Variants in LRRK2 observed in about 807,000 individuals in gnomAD.
LRRK2 encodes leucine rich repeat kinase 2.
Under a neutral mutation model 302.6 loss-of-function variants are expected in LRRK2, and 203 were observed. That is an observed-to-expected ratio of 0.67 (90% confidence interval 0.60 to 0.75). The LOEUF (loss-of-function observed/expected upper bound fraction) is 0.75. Among genes scored for constraint, LRRK2 ranks in the 30% least tolerant of loss-of-function variants. The pLI is 0.00. For synonymous variants in LRRK2, 1,066 were observed against 1,031.9 expected (o/e 1.03, Z -0.63); for missense variants, 2,830 against 2,951.0 (o/e 0.96, Z 0.95).
At chr12:40,351,232 T>TTGCA (rs1946342699) in intron 43 of LRRK2, among the ~76,000 whole-genome samples, 2 of 152,166 alleles carry the variant, frequency 1.3e-5, no homozygotes, top group African/African-American at 4.8e-5. Flanking sequence ...CAATATAGAA[T>TTGCA]TGCATGCAGA....
At chr12:40,364,763 T>C in intron 48 of LRRK2, 79 bp from the exon 49 acceptor site, 2 of 1,118,858 alleles carry the variant, frequency 1.8e-6, no homozygotes, top group Non-Finnish European at 1.3e-6. Context: ...ATTTAAAATG[T>C]TGTTTATGTT....
At chr12:40,260,648 G>A (rs1205960520) in intron 13 of LRRK2, among the ~76,000 whole-genome samples, 7 of 152,068 alleles carry the variant, frequency 4.6e-5, no homozygotes, top group Admixed American at 4.6e-4. Context: ...GTGTCACACC[G>A]AAATTTGCAA....
In LRRK2 at chr12:40,323,174, A is replaced by G; in HGVS notation, c.5524A>G (p.Asn1842Asp). The G allele has an allele frequency of 6.2e-7, 1 of 1,613,140 alleles. No individual in the cohort carries two copies. The highest frequency in any genetic ancestry group is 8.5e-7 in the Non-Finnish European group (1 of 1,179,282). Residue 1842 changes from asparagine (N) to aspartate (D), a missense_variant, in exon 38 of 51, where the codon AAT (asparagine) becomes GAT (aspartate). Around this residue, in one of 3 missense-constraint regions of LRRK2, gnomAD observed 2,121 missense variants for 2,148.0 expected, o/e 0.99. Transcript: ENST00000298910. ...KKAEEGDLLV[N>D]PDQPRLTIPI... The stretch of plus-strand genomic sequence containing the variant: ...TTACTTCTCAGGAGATCTCTTAGTA[A>G]ATCCAGATCAACCAAGGCTCACCAT...
At chr12:40,315,369 T>C (rs1305799106) in intron 33 of LRRK2, 69 bp downstream of exon 33, 7 of 1,299,162 alleles carry the variant, frequency 5.4e-6, no homozygotes, top group Admixed American at 3.4e-5. Flanking sequence ...GCCCAGAGCA[T>C]TGAGCATTTT....
intron 46 of LRRK2, 91 bp from the exon 47 acceptor site, chr12:40,359,169 G>T: frequency 9.4e-7 from 1 of 1,058,374 alleles, no homozygotes; most frequent in South Asian, 1.5e-5. Context: ...ATTTAAGATG[G>T]AAAGTAGTTT....
intron 18 of LRRK2, among the ~76,000 whole-genome samples, chr12:40,279,777 T>A (rs892634866): frequency 6.6e-6 from 1 of 152,244 alleles, no homozygotes; most frequent in African/African-American, 2.4e-5. Context: ...CTTTTCTTTT[T>A]AAAACGAAAT....
rs201329288 is a variant in LRRK2, at chr12:40,354,289, T to C, written c.6577-10T>C. The C allele has an allele frequency of 1.2e-6, 2 of 1,612,382 alleles. No individual in the cohort carries two copies. The highest frequency in any genetic ancestry group is 2.2e-5 in the East Asian group (1 of 44,848). On this transcript the variant is annotated splice_polypyrimidine_tract_variant and intron_variant, in intron 44 of 50. Coordinates refer to ENST00000298910, the MANE Select transcript of LRRK2 (RefSeq NM_198578.4). ...CAAATCCTGCTAAGTATATTTTCTT[T>C]TCTTAACAGGAAGTTGCTGATAGTA...
intron 39 of LRRK2, among the ~76,000 whole-genome samples, chr12:40,329,387 T>A (rs1218309397): frequency 6.6e-6 from 1 of 152,198 alleles, no homozygotes; most frequent in East Asian, 1.9e-4. Context: ...TTTCTCCTTT[T>A]CCCATCACCT....
Position 40,314,001 on chromosome 12 carries a change from G to T in LRRK2, c.4566G>T (p.Leu1522=), listed in dbSNP as rs1945121218. ...KIRDQLVVGQ[L]IPDCYVELEK... is the part of the protein sequence containing the mutation. The stretch of plus-strand genomic sequence containing the variant: ...GAGATCAGCTTGTTGTTGGACAGCT[G>T]ATTCCAGACTGCTATGTAGAACTTG... Residue 1522 remains leucine (L), a synonymous_variant, in exon 32 of 51, where the codon CTG becomes CTT. Transcript: ENST00000298910. 6.2e-7 allele frequency: 1 copy of T among 1,611,886 alleles called. No homozygotes were observed. The highest frequency in any genetic ancestry group is 1.1e-5 in the South Asian group (1 of 91,038).
intron 7 of LRRK2, among the ~76,000 whole-genome samples, chr12:40,244,429 T>C (rs1378763375): frequency 9.9e-5 from 15 of 152,178 alleles, no homozygotes; most frequent in African/African-American, 3.6e-4. Flanking sequence ...ATTTGGATTC[T>C]TTCTTATTTT....
chr12:40,295,138 T>TA (rs72547971), intron 22 of LRRK2, among the ~76,000 whole-genome samples: 2 of 152,108 alleles, frequency 1.3e-5, no homozygotes, highest in African/African-American at 4.8e-5. Flanking sequence ...TCTTTTTTTT[T>TA]ACAAGTTTTC....
At chr12:40,315,776 A>G (rs1353408483) in intron 33 of LRRK2, among the ~76,000 whole-genome samples, 1 of 147,680 alleles carries the variant, frequency 6.8e-6, no homozygotes, top group Non-Finnish European at 1.5e-5. Flanking sequence ...GGTTATAGCT[A>G]TTTTTTTCTT....
chr12:40,339,684 TCAAA>T (rs1213122248), intron 40 of LRRK2, among the ~76,000 whole-genome samples: 8 of 152,250 alleles, frequency 5.3e-5, no homozygotes, highest in African/African-American at 1.7e-4. Flanking sequence ...AATTATATAC[TCAAA>T]CAGAAGAAGA....
chr12:40,355,262 C>T (rs941259951), intron 45 of LRRK2, among the ~76,000 whole-genome samples: 5 of 152,040 alleles, frequency 3.3e-5, no homozygotes, highest in African/African-American at 1.2e-4. Context: ...TGGGCAAGGA[C>T]GACTTTATTC....
chr12:40,320,029 G>T lies in LRRK2; in HGVS notation c.4869G>T (p.Lys1623Asn). 1 of 1,611,824 alleles carries T rather than the reference G, an allele frequency of 6.2e-7. No individual in the cohort carries two copies. Among genetic ancestry groups the T allele is most frequent in the Non-Finnish European group, 8.5e-7 (1 of 1,178,636 alleles). Residue 1623 changes from lysine (K) to asparagine (N), a missense_variant, in exon 34 of 51, where the codon AAG becomes AAT. Lys to Asn is a moderately conservative substitution (Grantham distance 94, BLOSUM62 0). Coordinates refer to ENST00000298910, the MANE Select transcript of LRRK2 (RefSeq NM_198578.4). ...VKVEGCPKHP[K>N]GIISRRDVEK... is the part of the protein sequence containing the mutation. ...TGGAAGGTTGTCCAAAACACCCTAA[G>T]GGCATTATTTCGCGTAGAGATGTGG...
intron 18 of LRRK2, among the ~76,000 whole-genome samples, chr12:40,282,319 G>C (rs1309512408): frequency 6.6e-6 from 1 of 151,770 alleles, no homozygotes; most frequent in Non-Finnish European, 1.5e-5. Flanking sequence ...TAGGCTTCAG[G>C]AATACAAGTT....
intron 45 of LRRK2, among the ~76,000 whole-genome samples, chr12:40,355,814 G>A (rs557134726): frequency 7.4e-4 from 113 of 152,166 alleles, no homozygotes; most frequent in Non-Finnish European, 1.2e-3. Flanking sequence ...AAAGTGCTGG[G>A]ATTACAAGTG....
intron 40 of LRRK2, 68 bp downstream of exon 40, chr12:40,335,225 G>C: frequency 6.5e-7 from 1 of 1,526,882 alleles, no homozygotes; most frequent in Non-Finnish European, 9.0e-7. Context: ...CTCAGGTTCT[G>C]AGAACACTTC....
chr12:40,252,074 G>A (rs1191559391), intron 10 of LRRK2, among the ~76,000 whole-genome samples: 3 of 152,044 alleles, frequency 2.0e-5, no homozygotes, highest in African/African-American at 2.4e-5. Context: ...TCATAAGACC[G>A]GCACTCTCTC....
Sources: allele counts gnomAD v4.1 joint callset (sites outside exome capture counted in the v4.1 genomes callset), GRCh38; gene constraint gnomAD v4.1.1; regional missense constraint gnomAD v4.1.1; transcripts MANE v1.5; gene names NCBI Gene and HGNC (gene_info 2026-07-23, HGNC 2026-07-21).